The following MARK3 variants were observed in gnomAD, a reference collection of about 807,000 sequenced individuals.
MARK3 encodes the protein MAP/microtubule affinity-regulating kinase 3.
MARK3 carries 46 observed loss-of-function variants against 90.1 expected under a neutral mutation model. The observed-to-expected ratio is 0.51, with a 90% CI of 0.40 to 0.65. The LOEUF is 0.65. MARK3 is among the 30% of genes least tolerant of loss of function. MARK3 has a pLI of 0.00. For missense variants in MARK3, 818 were observed against 947.2 expected, an observed-to-expected ratio of 0.86 and a Z score of 1.79; for synonymous variants, 321 against 332.6, an observed-to-expected ratio of 0.97 and a Z score of 0.38.
Position 103,479,628 on chromosome 14 carries a change from C to CTTTTTTTT in MARK3, c.1483-745_1483-738dup, listed in dbSNP as rs34768749. Among the ~76,000 whole-genome samples, 41 of 78,250 alleles carry CTTTTTTTT rather than the reference C, an allele frequency of 5.2e-4. 1 individual carries two copies. Among genetic ancestry groups the CTTTTTTTT allele is most frequent in the African/African-American group, 7.4e-4 (14 of 18,968 alleles). The allele number at this position is 78,250 out of a possible 152,430, so 51.3% of individuals were successfully genotyped here. A position where few individuals can be genotyped will look rare whatever the true frequency, so the allele number is the denominator to read the frequency against. On this transcript the variant is annotated intron_variant, in intron 13 of 17. Coordinates refer to ENST00000429436, the MANE Select transcript of MARK3 (RefSeq NM_001128918.3). Reference sequence around the variant, plus strand: ...ATGTGTTTCTTGGCCATACGTATAGCTTTTTTTTTTTTTTTTTTTTTGAGA... The same window carrying CTTTTTTTT: ...ATGTGTTTCTTGGCCATACGTATAGCTTTTTTTTTTTTTTTTTTTTTTTTTTTTTGAGA...
Position 103,431,982 on chromosome 14 carries a change from C to A in MARK3, c.297+3542C>A, listed in dbSNP as rs530078689. On this transcript the variant is annotated intron_variant, in intron 3 of 17. Transcript: ENST00000429436. ...TTCCATACTTGGAATTGTTTCCCCC[C>A]TCCCACCTGAATTTGTTTGATTCCT... Among the ~76,000 whole-genome samples, 11 of 151,070 alleles carry A rather than the reference C, an allele frequency of 7.3e-5. No individual in the cohort carries two copies. The South Asian group carries it at 1.9e-3, about 26-fold the overall frequency.
chr14:103,408,494 G>T (rs115321028), intron 2 of MARK3, among the ~76,000 whole-genome samples: 1 of 152,256 alleles, frequency 6.6e-6, no homozygotes, highest in African/African-American at 2.4e-5. Flanking sequence ...TGGCCTGAAT[G>T]TAGTAATACT....
intron 2 of MARK3, among the ~76,000 whole-genome samples, chr14:103,419,495 G>A (rs1457829776): frequency 6.6e-6 from 1 of 152,054 alleles, no homozygotes; most frequent in Non-Finnish European, 1.5e-5. Context: ...GCAAATTATT[G>A]AAAAGAGTGA....
intron 2 of MARK3, among the ~76,000 whole-genome samples, chr14:103,414,206 CTTT>C (rs58495929): frequency 7.1e-6 from 1 of 140,628 alleles, no homozygotes; most frequent in Non-Finnish European, 1.5e-5. Context: ...TCTTTTCTTT[CTTT>C]TTTTTTTTTT....
chr14:103,462,212 A>G (rs1595792237), intron 6 of MARK3, among the ~76,000 whole-genome samples, 193 bp from the exon 7 acceptor site: 1 of 152,120 alleles, frequency 6.6e-6, no homozygotes, highest in Non-Finnish European at 1.5e-5. Flanking sequence ...GTCCTCACCT[A>G]TTTGTTTTTG....
intron 5 of MARK3, 131 bp downstream of exon 5, chr14:103,452,114 A>G: frequency 1.7e-6 from 1 of 577,032 alleles, no homozygotes; most frequent in Non-Finnish European, 3.0e-6. Context: ...CTAGGATGAG[A>G]GTCGGAAAAG....
At chr14:103,416,994 A>G (rs1304711039) in intron 2 of MARK3, among the ~76,000 whole-genome samples, 1 of 152,138 alleles carries the variant, frequency 6.6e-6, no homozygotes, top group African/African-American at 2.4e-5. Flanking sequence ...CAGGAGAGTG[A>G]ATGGACTAGA....
chr14:103,390,330 G>A (rs897333159), intron 1 of MARK3, among the ~76,000 whole-genome samples: 15 of 152,226 alleles, frequency 9.9e-5, no homozygotes, highest in Non-Finnish European at 2.1e-4. Flanking sequence ...CTGAGACTCA[G>A]AGAGGTGACA....
intron 17 of MARK3, 23 bp downstream of exon 17, chr14:103,500,223 A>G: frequency 6.3e-7 from 1 of 1,578,900 alleles, no homozygotes; most frequent in Admixed American, 1.9e-5. Flanking sequence ...ATTTTTACTT[A>G]AAATTTTTTT....
intron 7 of MARK3, among the ~76,000 whole-genome samples, chr14:103,463,737 A>G (rs1008382972): frequency 2.0e-4 from 30 of 152,120 alleles, no homozygotes; most frequent in Non-Finnish European, 2.4e-4. Context: ...TATGTTTTCT[A>G]CACTGCACCC....
intron 12 of MARK3, among the ~76,000 whole-genome samples, chr14:103,473,842 A>T (rs1443822257): frequency 6.6e-6 from 1 of 152,090 alleles, no homozygotes; most frequent in African/African-American, 2.4e-5. Flanking sequence ...TGGAATTACA[A>T]GCATGAACTA....
chr14:103,404,356 A>G (rs1356966502), intron 1 of MARK3, among the ~76,000 whole-genome samples: 1 of 152,160 alleles, frequency 6.6e-6, no homozygotes, highest in Non-Finnish European at 1.5e-5. Context: ...AAGGATTGGG[A>G]CATCTAATCC....
chr14:103,493,005 C>T (rs1378176652), intron 15 of MARK3, among the ~76,000 whole-genome samples: 3 of 152,160 alleles, frequency 2.0e-5, no homozygotes, highest in African/African-American at 7.2e-5. Context: ...TCTTATTTGT[C>T]ATCTGTAGCT....
intron 17 of MARK3, among the ~76,000 whole-genome samples, chr14:103,501,397 C>A (rs892398926): frequency 4.6e-5 from 7 of 152,242 alleles, no homozygotes; most frequent in Non-Finnish European, 8.8e-5. Flanking sequence ...GGCCTGACCA[C>A]CACAAGTGCT....
intron 7 of MARK3, among the ~76,000 whole-genome samples, chr14:103,462,854 C>T (rs762536223): frequency 6.6e-6 from 1 of 152,176 alleles, no homozygotes; most frequent in Non-Finnish European, 1.5e-5. Flanking sequence ...TCCTCAGCCT[C>T]TGCCCTCACT....
chr14:103,437,271 A>G (rs2092738178), intron 3 of MARK3, among the ~76,000 whole-genome samples: 1 of 152,054 alleles, frequency 6.6e-6, no homozygotes, highest in Non-Finnish European at 1.5e-5. Context: ...TGATATTTAG[A>G]ATACATTATA....
At chr14:103,411,362 G>A (rs1398502247) in intron 2 of MARK3, among the ~76,000 whole-genome samples, 2 of 152,134 alleles carry the variant, frequency 1.3e-5, no homozygotes, top group Admixed American at 6.5e-5. Flanking sequence ...TAATTCATGT[G>A]GTATGTATTT....
At chr14:103,412,863 T>C (rs1046294190) in intron 2 of MARK3, 24 of 316,050 alleles carry the variant, frequency 7.6e-5, no homozygotes, top group Non-Finnish European at 1.4e-4. Context: ...CAAGTCTTTC[T>C]TTCTTTTTTT....
Position 103,460,073 on chromosome 14 carries a change from C to CTTTTTTTTTTTTTTTTTTTTTTTT in MARK3, c.484-2324_484-2301dup, listed in dbSNP as rs571611660. ...AAAAAGAATAGATTTCCAGCTCCATCTTTTTTTTTTTTTTTTTTTTTTTTT... is the reference window on the plus strand; with the variant it reads ...AAAAAGAATAGATTTCCAGCTCCATCTTTTTTTTTTTTTTTTTTTTTTTTTTTTTTTTTTTTTTTTTTTTTTTTT... On this transcript the variant is annotated intron_variant, in intron 6 of 17. Transcript: ENST00000429436. 2.4e-4 allele frequency among the ~76,000 whole-genome samples: 10 copies of CTTTTTTTTTTTTTTTTTTTTTTTT among 41,720 alleles called. 1 individual carries two copies. Among genetic ancestry groups the CTTTTTTTTTTTTTTTTTTTTTTTT allele is most frequent in the Admixed American group, 4.7e-4 (1 of 2,140 alleles). 27.4% of individuals were successfully genotyped at this position (41,720 alleles called of 152,430 possible).
Sources: gnomAD v4.1 joint callset for allele counts (sites outside exome capture counted in the v4.1 genomes callset) on GRCh38, gnomAD v4.1.1 for gene constraint, MANE v1.5 for transcripts, NCBI Gene and HGNC (gene_info 2026-07-23, HGNC 2026-07-21) for gene names.